Variants in AGBL4 observed in about 807,000 individuals in gnomAD.
AGBL4 encodes the protein cytosolic carboxypeptidase 6.
Under a neutral mutation model 66.4 loss-of-function variants are expected in AGBL4, and 58 were observed. The observed-to-expected ratio is 0.87, with a 90% confidence interval of 0.71 to 1.09. The LOEUF is 1.09. AGBL4 is among the 50% of genes least tolerant of loss of function. The pLI is 0.00. For missense variants in AGBL4, 579 were observed against 631.0 expected, an observed-to-expected ratio of 0.92 and a Z score of 0.88; for synonymous variants, 234 against 222.9, an observed-to-expected ratio of 1.05 and a Z score of -0.44.
chr1:49,031,616 A>G (rs901894177), intron 5 of AGBL4, among the ~76,000 whole-genome samples: 2 of 152,100 alleles, frequency 1.3e-5, no homozygotes, highest in Non-Finnish European at 2.9e-5. Flanking sequence ...CCTTTCTTCA[A>G]AAAAAGATAT....
intron 6 of AGBL4, among the ~76,000 whole-genome samples, chr1:48,803,895 G>C (rs74527602): frequency 4.3e-4 from 65 of 152,238 alleles, no homozygotes; most frequent in African/African-American, 1.5e-3. Context: ...TTAGGCTCTG[G>C]AATGATATTG....
chr1:48,899,533 T>C (rs1015237287), intron 5 of AGBL4, among the ~76,000 whole-genome samples: 6 of 152,196 alleles, frequency 3.9e-5, no homozygotes, highest in Non-Finnish European at 7.3e-5. Context: ...AGAGAGATTT[T>C]CTCAAGATAC....
chr1:49,639,215 C>T (rs1046417773), intron 3 of AGBL4, among the ~76,000 whole-genome samples: 10 of 152,118 alleles, frequency 6.6e-5, no homozygotes, highest in African/African-American at 1.9e-4. Flanking sequence ...TAGATCTAGT[C>T]GCAGTGAAGC....
At chr1:49,322,003 T>C (rs569211198) in intron 3 of AGBL4, among the ~76,000 whole-genome samples, 27 of 152,336 alleles carry the variant, frequency 1.8e-4, no homozygotes, top group Non-Finnish European at 3.2e-4. Flanking sequence ...GCCTGGGCCC[T>C]GAGTAAATTT....
intron 3 of AGBL4, among the ~76,000 whole-genome samples, chr1:49,572,808 G>A (rs1644358095): frequency 6.6e-6 from 1 of 152,104 alleles, no homozygotes; most frequent in Admixed American, 6.6e-5. Flanking sequence ...TGTCTGTGAC[G>A]GTACTGCCAA....
At chr1:49,093,304 G>A (rs1469497442) in intron 4 of AGBL4, among the ~76,000 whole-genome samples, 6 of 152,104 alleles carry the variant, frequency 3.9e-5, no homozygotes, top group East Asian at 1.9e-4. Flanking sequence ...ACAACACAAC[G>A]CATCTTGAAA....
Position 48,621,706 on chromosome 1 carries a change from A to G in AGBL4, c.951+12787T>C, listed in dbSNP as rs937913902. 2.6e-5 allele frequency among the ~76,000 whole-genome samples: 4 copies of G among 152,250 alleles called. No individual in the cohort carries two copies. The South Asian group carries it at 8.3e-4, about 32-fold the overall frequency. The stretch of plus-strand genomic sequence containing the variant: ...GCATAAGCATTTTAACAATAATATA[A>G]AACTCTTCATAAACATCCATTATAT... On this transcript the variant is annotated intron_variant, in intron 9 of 13. Coordinates refer to ENST00000371839, the MANE Select transcript of AGBL4 (RefSeq NM_032785.4).
chr1:49,105,362 A>G (rs946031829), intron 4 of AGBL4, among the ~76,000 whole-genome samples: 1 of 152,218 alleles, frequency 6.6e-6, no homozygotes, highest in African/African-American at 2.4e-5. Flanking sequence ...CTGTAGGATC[A>G]TAGAACTGTT....
intron 6 of AGBL4, among the ~76,000 whole-genome samples, chr1:48,823,618 C>T (rs75823762): frequency 0.04 from 6,051 of 152,296 alleles, 214 homozygotes; most frequent in Non-Finnish European, 0.056. Context: ...TTCCTTGCTG[C>T]TCACACAGCA....
chr1:48,723,565 T>C (rs751535245), intron 6 of AGBL4, among the ~76,000 whole-genome samples: 1 of 152,176 alleles, frequency 6.6e-6, no homozygotes, highest in East Asian at 1.9e-4. Context: ...AGTTAACACA[T>C]TGGTCCATAA....
intron 3 of AGBL4, among the ~76,000 whole-genome samples, chr1:49,252,856 G>A (rs1293563505): frequency 1.3e-5 from 2 of 152,112 alleles, no homozygotes. Context: ...ACAAACAAAT[G>A]CTGAGGAAAT....
At chr1:49,706,415 T>C (rs1647222308) in intron 2 of AGBL4, among the ~76,000 whole-genome samples, 1 of 152,160 alleles carries the variant, frequency 6.6e-6, no homozygotes, top group South Asian at 2.1e-4. Flanking sequence ...CATTTTTTAT[T>C]GTGTTTTTTG....
intron 11 of AGBL4, among the ~76,000 whole-genome samples, chr1:48,579,754 C>CA (rs542996148): frequency 0.061 from 7,567 of 124,780 alleles, 251 homozygotes; most frequent in African/African-American, 0.091. Context: ...ACTAAAAATA[C>CA]AAAAAAAAAA....
intron 3 of AGBL4, among the ~76,000 whole-genome samples, chr1:49,368,926 T>G (rs2148548823): frequency 6.6e-6 from 1 of 151,766 alleles, no homozygotes; most frequent in Non-Finnish European, 1.5e-5. Flanking sequence ...ATACAAAAAA[T>G]TATCCAGGCA....
intron 1 of AGBL4, among the ~76,000 whole-genome samples, chr1:50,011,885 C>A (rs1052391591): frequency 1.6e-4 from 25 of 152,242 alleles, no homozygotes; most frequent in African/African-American, 5.8e-4. Context: ...ACCGGCCGGG[C>A]GCGATGGCTC....
At chr1:48,873,746 C>T (rs1038165184) in intron 5 of AGBL4, among the ~76,000 whole-genome samples, 1 of 152,122 alleles carries the variant, frequency 6.6e-6, no homozygotes, top group Non-Finnish European at 1.5e-5. Flanking sequence ...AAAACTCATG[C>T]ACTACCCCCA....
At chr1:49,702,077 T>C (rs927166507) in intron 2 of AGBL4, among the ~76,000 whole-genome samples, 2 of 152,022 alleles carry the variant, frequency 1.3e-5, no homozygotes, top group Non-Finnish European at 2.9e-5. Flanking sequence ...AATATGGATA[T>C]CTGAATAGAT....
intron 3 of AGBL4, among the ~76,000 whole-genome samples, chr1:49,568,032 C>T (rs925906102): frequency 4.6e-5 from 7 of 152,072 alleles, no homozygotes; most frequent in African/African-American, 9.7e-5. Flanking sequence ...AAAAGCTGGA[C>T]GAATTCCATT....
intron 3 of AGBL4, among the ~76,000 whole-genome samples, chr1:49,259,159 C>G (rs1313706534): frequency 6.6e-6 from 1 of 151,972 alleles, no homozygotes. Context: ...GAAGGAAGCA[C>G]TAAACAAGGA....
Sources: allele counts gnomAD v4.1 joint callset (sites outside exome capture counted in the v4.1 genomes callset), GRCh38; gene constraint gnomAD v4.1.1; transcripts MANE v1.5; gene names NCBI Gene and HGNC (gene_info 2026-07-23, HGNC 2026-07-21).